Variants in CLSTN2 observed in about 807,000 individuals in gnomAD.
The protein encoded by CLSTN2 is calsyntenin-2.
A neutral mutation model predicts 101.2 loss-of-function variants in CLSTN2; 48 were observed. The observed-to-expected ratio is 0.47, with a 90% CI of 0.38 to 0.60. The LOEUF (loss-of-function observed/expected upper bound fraction) is 0.60. Among genes scored for constraint, CLSTN2 ranks in the 20% least tolerant of loss-of-function variants. The probability of loss-of-function intolerance (pLI) is 0.00; values close to 1 mark genes in which losing one functional copy is unlikely to be tolerated. For synonymous variants in CLSTN2, 481 were observed against 463.6 expected, an observed-to-expected ratio of 1.04 and a Z score of -0.48; for missense variants, 1,160 against 1,238.2, an observed-to-expected ratio of 0.94 and a Z score of 0.95.
intron 1 of CLSTN2, among the ~76,000 whole-genome samples, chr3:139,941,828 G>A (rs1433901985): frequency 6.6e-6 from 1 of 152,178 alleles, no homozygotes; most frequent in Non-Finnish European, 1.5e-5. Context: ...ATAAAACAGT[G>A]AATGTTTATT....
chr3:140,262,820 T>C (rs2086665100), intron 2 of CLSTN2, among the ~76,000 whole-genome samples: 1 of 152,106 alleles, frequency 6.6e-6, no homozygotes, highest in Non-Finnish European at 1.5e-5. Context: ...AGTAGAATGT[T>C]GACATTATGA....
At chr3:140,157,114 A>G (rs909068476) in intron 1 of CLSTN2, among the ~76,000 whole-genome samples, 5 of 152,048 alleles carry the variant, frequency 3.3e-5, no homozygotes, top group Admixed American at 6.5e-5. Context: ...GCTCAGAACT[A>G]TTCAATCTTT....
At chr3:140,137,942 T>C (rs535874670) in intron 1 of CLSTN2, among the ~76,000 whole-genome samples, 2 of 152,318 alleles carry the variant, frequency 1.3e-5, no homozygotes, top group Non-Finnish European at 2.9e-5. Flanking sequence ...AGGACTTTTG[T>C]GGGCTTGCTT....
At chr3:140,176,893 T>A (rs74840333) in intron 2 of CLSTN2, among the ~76,000 whole-genome samples, 34,737 of 152,228 alleles carry the variant, frequency 0.23, 4,209 homozygotes, top group Non-Finnish European at 0.26. Flanking sequence ...GATAGATGGG[T>A]GCCAGGCTGA....
intron 1 of CLSTN2, among the ~76,000 whole-genome samples, chr3:139,976,804 G>A (rs1166370712): frequency 6.6e-6 from 1 of 152,168 alleles, no homozygotes; most frequent in Non-Finnish European, 1.5e-5. Context: ...AGGGTTATTT[G>A]TGCACTTCTG....
At chr3:140,204,183 C>T (rs2010752664) in intron 2 of CLSTN2, among the ~76,000 whole-genome samples, 1 of 152,184 alleles carries the variant, frequency 6.6e-6, no homozygotes. Context: ...GAAATAATAT[C>T]TGAAATAGCA....
At chr3:140,530,520 T>C (rs542089688) in intron 8 of CLSTN2, among the ~76,000 whole-genome samples, 12 of 152,226 alleles carry the variant, frequency 7.9e-5, no homozygotes, top group Non-Finnish European at 1.8e-4. Context: ...GCTGCTACTG[T>C]TGAGTTATAG....
At chr3:140,429,437 C>A (rs777885486) in intron 5 of CLSTN2, among the ~76,000 whole-genome samples, 78 of 152,192 alleles carry the variant, frequency 5.1e-4, no homozygotes, top group Middle Eastern at 3.4e-3. Flanking sequence ...GGCTTTAGCA[C>A]AGAGAGGAGG....
chr3:140,452,992 T>C (rs1490994524), intron 6 of CLSTN2, among the ~76,000 whole-genome samples: 3 of 152,196 alleles, frequency 2.0e-5, no homozygotes, highest in Non-Finnish European at 4.4e-5. Flanking sequence ...GTCACAGAAC[T>C]ATTTTGAGTA....
intron 1 of CLSTN2, among the ~76,000 whole-genome samples, chr3:139,994,687 G>A (rs1284724158): frequency 6.6e-6 from 1 of 152,094 alleles, no homozygotes; most frequent in Non-Finnish European, 1.5e-5. Context: ...CCTGTTTAAT[G>A]CTTGCATGAC....
chr3:140,371,458 C>T (rs938999390), intron 2 of CLSTN2, among the ~76,000 whole-genome samples: 5 of 152,140 alleles, frequency 3.3e-5, no homozygotes, highest in African/African-American at 1.2e-4. Flanking sequence ...CTAATGCACA[C>T]CCAACCCTGA....
chr3:140,558,623 C>A lies in CLSTN2; in HGVS notation c.1824-17C>A. The A allele has an allele frequency of 1.2e-6, 2 of 1,604,254 alleles. No individual in the cohort carries two copies. The highest frequency in any genetic ancestry group is 2.2e-5 in the South Asian group (2 of 90,610). Reference sequence around the variant, plus strand: ...ATTGTTTGCTCATCAGTGCCATGACCGAGAATGTTTTCCCAGGTGCTTTGG... The same window carrying A: ...ATTGTTTGCTCATCAGTGCCATGACAGAGAATGTTTTCCCAGGTGCTTTGG... On this transcript the variant is annotated splice_polypyrimidine_tract_variant and intron_variant, in intron 11 of 16. Transcript: ENST00000458420.
rs533820463 is a variant in CLSTN2 at position 140,536,621 on chromosome 3, A to G, written c.1507+4135A>G. Among the ~76,000 whole-genome samples the G allele has an allele frequency of 8.5e-5, 13 of 152,340 alleles. No individual in the cohort carries two copies. In the East Asian group the frequency reaches 1.7e-3, roughly 20 times the overall value. ...TTGAGATGGAGATAGGAACCTTATC[A>G]TGCAGTGTTTTAGGCCATGGGAAGA... On this transcript the variant is annotated intron_variant, in intron 9 of 16. Coordinates refer to ENST00000458420, the MANE Select transcript of CLSTN2 (RefSeq NM_022131.3).
chr3:139,938,966 A>G (rs1446396792), intron 1 of CLSTN2, among the ~76,000 whole-genome samples: 1 of 150,550 alleles, frequency 6.6e-6, no homozygotes, highest in South Asian at 2.1e-4. Flanking sequence ...TATTATTATT[A>G]TACTTTAAGT....
chr3:140,389,967 C>A (rs2088095233), intron 2 of CLSTN2, among the ~76,000 whole-genome samples: 1 of 152,038 alleles, frequency 6.6e-6, no homozygotes, highest in African/African-American at 2.4e-5. Flanking sequence ...GAGTTAAAAA[C>A]CATTCTTTCC....
rs538168435 is a variant in CLSTN2 at position 140,366,540 on chromosome 3, G to A, written c.233-37089G>A. Among the ~76,000 whole-genome samples the A allele has an allele frequency of 3.9e-4, 59 of 152,304 alleles. No homozygotes were observed. The South Asian group carries it at 0.012, about 32-fold the overall frequency. ...TGCCTGAGGAGGACCCGCTTGTATA[G>A]GGCCCTTGCATTGTCATTAGCTCAT... On this transcript the variant is annotated intron_variant, in intron 2 of 16. Transcript: ENST00000458420.
At position 140,015,516 on chromosome 3, in the gene CLSTN2, T is replaced by G. The variant is rs967309504; in HGVS notation, c.109+80033T>G. On this transcript the variant is annotated intron_variant, in intron 1 of 16. Transcript: ENST00000458420. ...CTGGAGGTTGGTCAACAGGATTTCCTGACAGATTGGATAAGGAGTGTGAGA... is the reference window on the plus strand; with the variant it reads ...CTGGAGGTTGGTCAACAGGATTTCCGGACAGATTGGATAAGGAGTGTGAGA... 2.6e-5 allele frequency among the ~76,000 whole-genome samples: 4 copies of G among 152,262 alleles called. No individual in the cohort carries two copies. In the East Asian group the frequency reaches 7.7e-4, roughly 29 times the overall value.
intron 8 of CLSTN2, among the ~76,000 whole-genome samples, chr3:140,494,493 A>G (rs1027816745): frequency 6.6e-6 from 1 of 152,218 alleles, no homozygotes; most frequent in Non-Finnish European, 1.5e-5. Context: ...GTACATGTGC[A>G]GGATATGCAG....
At chr3:139,953,600 C>T (rs1935330699) in intron 1 of CLSTN2, among the ~76,000 whole-genome samples, 1 of 152,190 alleles carries the variant, frequency 6.6e-6, no homozygotes, top group Non-Finnish European at 1.5e-5. Context: ...CCTTTGGGAA[C>T]TGTCCTTACC....
Sources: allele counts gnomAD v4.1 joint callset (sites outside exome capture counted in the v4.1 genomes callset), GRCh38; gene constraint gnomAD v4.1.1; transcripts MANE v1.5; gene names NCBI Gene and HGNC (gene_info 2026-07-23, HGNC 2026-07-21).